Variants in DZANK1 observed in about 807,000 individuals in gnomAD.
DZANK1 encodes the protein double zinc ribbon and ankyrin repeat domains 1.
Under a neutral mutation model 94.5 loss-of-function variants are expected in DZANK1, and 91 were observed. That is an observed-to-expected ratio of 0.96 (90% confidence interval 0.81 to 1.15). The LOEUF (loss-of-function observed/expected upper bound fraction) is 1.15. Among genes scored for constraint, DZANK1 ranks in the 50% most tolerant of loss-of-function variants. The pLI, the probability that DZANK1 is intolerant of heterozygous loss-of-function variation, is 0.00. For missense variants in DZANK1, 903 were observed against 916.4 expected (o/e 0.99, Z 0.19); for synonymous variants, 312 against 325.3 (o/e 0.96, Z 0.44).
chr20:18,447,865 C>T (rs775443222), intron 7 of DZANK1, among the ~76,000 whole-genome samples: 1 of 152,082 alleles, frequency 6.6e-6, no homozygotes, highest in African/African-American at 2.4e-5. Flanking sequence ...ATGGAACAAT[C>T]ACTTTGGAAA....
chr20:18,385,693 C>G (rs369346558), intron 19 of DZANK1, among the ~76,000 whole-genome samples: 2 of 152,126 alleles, frequency 1.3e-5, no homozygotes, highest in East Asian at 1.9e-4. Context: ...TGGGAGGACA[C>G]AGTCTTAACT....
chr20:18,414,342 C>T lies in DZANK1; in HGVS notation c.1242+6G>A, dbSNP rs752532417. On this transcript the variant is annotated splice_donor_region_variant and intron_variant, in intron 12 of 20. Transcript: ENST00000262547. ...GTACCAGTTCTTACTACAGGGGAGG[C>T]CTCACCTCAGAAAAAGGGCGAGGTT... The T allele has an allele frequency of 1.2e-6, 2 of 1,613,388 alleles. No homozygotes were observed. Among genetic ancestry groups the T allele is most frequent in the African/African-American group, 2.7e-5 (2 of 74,886 alleles).
intron 13 of DZANK1, among the ~76,000 whole-genome samples, chr20:18,410,021 A>G (rs1488548394): frequency 7.8e-6 from 1 of 128,282 alleles, no homozygotes; most frequent in Non-Finnish European, 1.6e-5. Flanking sequence ...TGGCAGAGCG[A>G]GACTCCGTCT....
intron 7 of DZANK1, among the ~76,000 whole-genome samples, chr20:18,446,594 G>A (rs1245953203): frequency 2.0e-5 from 3 of 151,904 alleles, no homozygotes; most frequent in Non-Finnish European, 2.9e-5. Context: ...ACTAAAAAAA[G>A]AACAAATTAA....
At chr20:18,444,400 G>T (rs1317213807) in intron 7 of DZANK1, among the ~76,000 whole-genome samples, 1 of 152,206 alleles carries the variant, frequency 6.6e-6, no homozygotes, top group African/African-American at 2.4e-5. Context: ...AAGACATAGA[G>T]CTGGGAGTCT....
At chr20:18,394,339 C>T (rs1177248016) in exon 16 of DZANK1, 2 of 1,613,498 alleles carry the variant, frequency 1.2e-6, no homozygotes, top group Non-Finnish European at 1.7e-6. Context: ...CTGCCTTGTT[C>T]AGGTAAAGGT....
intron 15 of DZANK1, chr20:18,394,927 G>A (rs1009491117): frequency 6.6e-6 from 3 of 455,796 alleles, no homozygotes; most frequent in African/African-American, 4.0e-5. Flanking sequence ...TAAAATGGGC[G>A]TCTACATAAT....
chr20:18,389,758 T>C (rs1178814507), exon 19 of DZANK1: 4 of 1,613,906 alleles, frequency 2.5e-6, no homozygotes, highest in Non-Finnish European at 3.4e-6. Flanking sequence ...AATCGCTTCA[T>C]GGTGCTTATT....
At chr20:18,412,492 TC>T (rs2057303947) in intron 13 of DZANK1, among the ~76,000 whole-genome samples, 153 bp downstream of exon 13, 1 of 152,132 alleles carries the variant, frequency 6.6e-6, no homozygotes. Flanking sequence ...AGCTTCTTTT[TC>T]CAATACAAAG....
intron 10 of DZANK1, among the ~76,000 whole-genome samples, chr20:18,416,249 C>G (rs2148466884): frequency 6.6e-6 from 1 of 152,300 alleles, no homozygotes; most frequent in Non-Finnish European, 1.5e-5. Flanking sequence ...CATACAGCCC[C>G]TTCAATACAA....
chr20:18,448,382 G>T (rs1044833391), intron 7 of DZANK1, among the ~76,000 whole-genome samples: 8 of 152,138 alleles, frequency 5.3e-5, no homozygotes, highest in African/African-American at 1.7e-4. Flanking sequence ...TGTGATGAGC[G>T]GGGGTAAAAG....
intron 8 of DZANK1, among the ~76,000 whole-genome samples, chr20:18,435,082 C>CTA (rs1371004830): frequency 2.6e-5 from 4 of 152,194 alleles, no homozygotes; most frequent in Admixed American, 1.3e-4. Context: ...CTGATGGGAA[C>CTA]TACACATAGA....
chr20:18,454,022 C>G, intron 4 of DZANK1, 195 bp from the exon 5 acceptor site: 1 of 687,858 alleles, frequency 1.5e-6, no homozygotes, highest in South Asian at 1.4e-5. Flanking sequence ...CAGCTGGCAG[C>G]ACATCTGGAT....
chr20:18,415,571 T>TCTG (rs2057455388), intron 10 of DZANK1, 122 bp from the exon 11 acceptor site: 24 of 1,138,720 alleles, frequency 2.1e-5, no homozygotes, highest in Non-Finnish European at 2.6e-5. Context: ...TTTTTTTTGT[T>TCTG]TTGTTTTGTT....
intron 13 of DZANK1, among the ~76,000 whole-genome samples, chr20:18,411,028 T>C (rs899737382): frequency 6.6e-6 from 1 of 152,164 alleles, no homozygotes; most frequent in African/African-American, 2.4e-5. Context: ...CAGAAATTTA[T>C]AGCAGCAAAT....
At chr20:18,452,778 T>C in intron 5 of DZANK1, 39 bp from the exon 6 acceptor site, 1 of 1,514,186 alleles carries the variant, frequency 6.6e-7, no homozygotes, top group Non-Finnish European at 8.9e-7. Context: ...TGAGCATCTG[T>C]AATTATACAT....
intron 8 of DZANK1, among the ~76,000 whole-genome samples, chr20:18,437,923 G>A (rs1314124157): frequency 1.3e-5 from 2 of 151,846 alleles, no homozygotes; most frequent in Non-Finnish European, 1.5e-5. Flanking sequence ...TAACACAAAA[G>A]AAATAACACA....
At chr20:18,422,122 G>A (rs545414698) in intron 10 of DZANK1, among the ~76,000 whole-genome samples, 67 of 152,076 alleles carry the variant, frequency 4.4e-4, no homozygotes, top group Non-Finnish European at 6.3e-4. Context: ...GGTCATATCC[G>A]AAAAAAATCA....
chr20:18,455,413 T>A, intron 3 of DZANK1, 52 bp from the exon 4 acceptor site: 2 of 1,285,206 alleles, frequency 1.6e-6, no homozygotes, highest in Non-Finnish European at 2.2e-6. Flanking sequence ...AAAGATTTTT[T>A]AAAAAGTGGC....
Sources: allele counts gnomAD v4.1 joint callset (sites outside exome capture counted in the v4.1 genomes callset), GRCh38; gene constraint gnomAD v4.1.1; transcripts MANE v1.5; gene names NCBI Gene and HGNC (gene_info 2026-07-23, HGNC 2026-07-21).